STON1: variants seen among roughly 807,000 people sequenced by gnomAD.
STON1 encodes stonin-1.
In STON1, 79 loss-of-function variants were observed where a neutral mutation model predicts 60.9. The ratio of observed to expected loss-of-function variants is 1.30; its 90% confidence interval spans 1.08 to 1.56. The LOEUF is 1.56. Ranked by LOEUF, STON1 falls within the 40% of genes most tolerant of loss-of-function variation. The pLI is 0.00. For missense variants in STON1, 1,166 were observed against 858.9 expected, an observed-to-expected ratio of 1.36 and a Z score of -4.47; for synonymous variants, 363 against 306.9, an observed-to-expected ratio of 1.18 and a Z score of -1.91.
intron 1 of STON1, among the ~76,000 whole-genome samples, chr2:48,545,605 TG>T (rs1156722784): frequency 1.3e-5 from 2 of 152,214 alleles, no homozygotes; most frequent in Admixed American, 1.3e-4. Context: ...GCTCCTTTAG[TG>T]GTTTCCTCAT....
chr2:48,584,200 C>T (rs931694821), intron 2 of STON1, among the ~76,000 whole-genome samples: 2 of 152,160 alleles, frequency 1.3e-5, no homozygotes, highest in Non-Finnish European at 2.9e-5. Context: ...TAGGCCCCTC[C>T]AGGCTGTGGA....
rs74495343 is a variant in STON1, at chr2:48,575,655, A to AAAATAAATAAATAAATAAAT, written c.-47-4919_-47-4900dup. On this transcript the variant is annotated intron_variant, in intron 1 of 3. Transcript: ENST00000404752. ...GCAACAAGAGCAAAACTCCGTCTCAAAAATAAATAAATAAATAAATAAATA... is the reference window on the plus strand; with the variant it reads ...GCAACAAGAGCAAAACTCCGTCTCAAAAATAAATAAATAAATAAATAAATAAATAAATAAATAAATAAATA... 1.4e-3 allele frequency among the ~76,000 whole-genome samples: 207 copies of AAAATAAATAAATAAATAAAT among 148,884 alleles called. 2 individuals are homozygous for AAAATAAATAAATAAATAAAT. Among genetic ancestry groups the AAAATAAATAAATAAATAAAT allele is most frequent in the African/African-American group, 4.7e-3 (191 of 40,314 alleles).
Position 48,552,142 on chromosome 2 carries a change from A to C in STON1, c.-48+21926A>C, listed in dbSNP as rs1418244315. Among the ~76,000 whole-genome samples the C allele has an allele frequency of 2.6e-5, 4 of 152,248 alleles. No homozygotes were observed. The East Asian group carries it at 7.7e-4, about 29-fold the overall frequency. On this transcript the variant is annotated intron_variant, in intron 1 of 3. Coordinates refer to ENST00000404752, the MANE Select transcript of STON1 (RefSeq NM_006873.4). ...TGGATAAACAAAATGGGGCATGTCCATGCAATGGAATATTATTCAGCCTTA... is the reference window on the plus strand; with the variant it reads ...TGGATAAACAAAATGGGGCATGTCCCTGCAATGGAATATTATTCAGCCTTA...
intron 2 of STON1, 37 bp from the exon 3 acceptor site, chr2:48,591,616 T>C (rs1306485915): frequency 5.6e-6 from 9 of 1,606,460 alleles, no homozygotes; most frequent in Non-Finnish European, 7.7e-6. Flanking sequence ...CAATGGCCAT[T>C]AAAATACTTT....
chr2:48,593,241 G>T (rs1375674080), intron 3 of STON1, among the ~76,000 whole-genome samples: 1 of 151,910 alleles, frequency 6.6e-6, no homozygotes, highest in Non-Finnish European at 1.5e-5. Flanking sequence ...TCAGCCTCCC[G>T]AGTAGCTGGG....
At chr2:48,570,029 C>G (rs7559073) in intron 1 of STON1, among the ~76,000 whole-genome samples, 1 of 152,160 alleles carries the variant, frequency 6.6e-6, no homozygotes, top group Non-Finnish European at 1.5e-5. Context: ...TGATAATCTC[C>G]GTAATACTCT....
chr2:48,584,514 C>T (rs1189234442), intron 2 of STON1, among the ~76,000 whole-genome samples: 3 of 152,048 alleles, frequency 2.0e-5, no homozygotes, highest in Admixed American at 1.3e-4. Flanking sequence ...GTGATCCACC[C>T]GCCTTGGCCT....
chr2:48,583,752 T>A (rs1033484410), intron 2 of STON1, among the ~76,000 whole-genome samples: 1 of 148,954 alleles, frequency 6.7e-6, no homozygotes, highest in Non-Finnish European at 1.5e-5. Context: ...AATCTTTTTT[T>A]TCTTTTTTTT....
chr2:48,595,581 A>G lies in STON1; in HGVS notation c.*279A>G. 1 of 379,280 alleles carries G rather than the reference A, an allele frequency of 2.6e-6. No homozygotes were observed. Among genetic ancestry groups the G allele is most frequent in the Non-Finnish European group, 4.8e-6 (1 of 208,104 alleles). 23.5% of individuals were successfully genotyped at this position (379,280 alleles called of 1,614,324 possible). A position where few individuals can be genotyped will look rare whatever the true frequency, so the allele number is the denominator to read the frequency against. The stretch of plus-strand genomic sequence containing the variant: ...CAAAGGCACTGTTACTCGTTGTGTG[A>G]CCCCGCAGCCAGTATGATTTTTGAT... On this transcript the variant is annotated 3_prime_UTR_variant, in exon 4 of 4. Transcript: ENST00000404752.
intron 1 of STON1, among the ~76,000 whole-genome samples, chr2:48,578,581 C>CTTTTTTTTTTGTT (rs1673677475): frequency 4.3e-5 from 2 of 46,154 alleles, no homozygotes; most frequent in Non-Finnish European, 7.1e-5. Flanking sequence ...CTCCTCCTTC[C>CTTTTTTTTTTGTT]TTTTTTTTTT....
chr2:48,568,077 C>T, intron 1 of STON1, among the ~76,000 whole-genome samples: 1 of 148,082 alleles, frequency 6.8e-6, no homozygotes, highest in East Asian at 2.4e-4. Context: ...ATTCAGCCCT[C>T]TGCTGAAGGA....
At chr2:48,547,437 G>A (rs1397832567) in intron 1 of STON1, among the ~76,000 whole-genome samples, 1 of 152,202 alleles carries the variant, frequency 6.6e-6, no homozygotes, top group Non-Finnish European at 1.5e-5. Flanking sequence ...GAGGCAGGAG[G>A]CCACAACCTA....
At position 48,539,427 on chromosome 2, in the gene STON1, A is replaced by G. The variant is rs7600742; in HGVS notation, c.-48+9211A>G. 3.6e-3 allele frequency among the ~76,000 whole-genome samples: 542 copies of G among 152,198 alleles called. 3 individuals are homozygous for G. Among genetic ancestry groups the G allele is most frequent in the African/African-American group, 0.012 (498 of 41,498 alleles). On this transcript the variant is annotated intron_variant, in intron 1 of 3. Coordinates refer to ENST00000404752, the MANE Select transcript of STON1 (RefSeq NM_006873.4). ...TTTGTTTTTCAGTAAATTTATTTAA[A>G]TCTATAAATTTACCTCTAAATACTG...
chr2:48,564,321 T>C (rs1051307452), intron 1 of STON1, among the ~76,000 whole-genome samples: 5 of 152,066 alleles, frequency 3.3e-5, no homozygotes, highest in Non-Finnish European at 1.5e-5. Context: ...TGGGTTCTGG[T>C]GAGGGTTGCA....
At chr2:48,535,024 A>T (rs900903401) in intron 1 of STON1, among the ~76,000 whole-genome samples, 4 of 152,118 alleles carry the variant, frequency 2.6e-5, no homozygotes, top group African/African-American at 9.7e-5. Flanking sequence ...GGGATTCTGG[A>T]GCAGTCCTCA....
At chr2:48,564,561 CTTCTTCTCCTT>C (rs1672829028) in intron 1 of STON1, among the ~76,000 whole-genome samples, 2 of 61,404 alleles carry the variant, frequency 3.3e-5, no homozygotes, top group African/African-American at 6.6e-5. Context: ...TCTTCTTCTT[CTTCTTCTCCTT>C]CTCCTTCTCC....
intron 3 of STON1, among the ~76,000 whole-genome samples, chr2:48,592,440 T>C (rs749373388): frequency 1.3e-5 from 2 of 151,626 alleles, no homozygotes; most frequent in African/African-American, 2.4e-5. Context: ...TTTTCAGTTT[T>C]TTTTTTTTTA....
At chr2:48,593,537 A>G (rs986735562) in intron 3 of STON1, among the ~76,000 whole-genome samples, 10 of 152,226 alleles carry the variant, frequency 6.6e-5, no homozygotes, top group African/African-American at 2.2e-4. Context: ...AACATTTTAT[A>G]ATTTCTAATA....
rs1163765757 is a variant in STON1 at position 48,595,432 on chromosome 2, T to G, written c.*130T>G. 2 of 710,042 alleles carry G rather than the reference T, an allele frequency of 2.8e-6. No individual in the cohort carries two copies. The highest frequency in any genetic ancestry group is 4.7e-6 in the Non-Finnish European group (2 of 429,710). The allele number at this position is 710,042 out of a possible 1,614,324, so 44.0% of individuals were successfully genotyped here. A position where few individuals can be genotyped will look rare whatever the true frequency, so the allele number is the denominator to read the frequency against. On this transcript the variant is annotated 3_prime_UTR_variant, in exon 4 of 4. Transcript: ENST00000404752. ...TTTTAGGACAGGTCTGATGGCTGTG[T>G]TTAGAGAAGTTTAGACCTAAAACCG...
Sources: allele counts gnomAD v4.1 joint callset (sites outside exome capture counted in the v4.1 genomes callset), GRCh38; gene constraint gnomAD v4.1.1; transcripts MANE v1.5; gene names NCBI Gene and HGNC (gene_info 2026-07-23, HGNC 2026-07-21).